STAT1: variants seen among roughly 807,000 people sequenced by gnomAD.
STAT1 encodes the protein signal transducer and activator of transcription 1, also known as signal transducer and activator of transcription 1-alpha/beta.
Under a neutral mutation model 111.7 loss-of-function variants are expected in STAT1, and 24 were observed. That is an observed-to-expected ratio of 0.21 (90% CI 0.16 to 0.30). The LOEUF is 0.30. Among genes scored for constraint, STAT1 ranks in the 10% least tolerant of loss-of-function variants. STAT1 has a pLI of 1.00. For missense variants in STAT1, 351 were observed against 911.9 expected, an observed-to-expected ratio of 0.38 and a Z score of 7.92; for synonymous variants, 332 against 326.5, an observed-to-expected ratio of 1.02 and a Z score of -0.18.
At chr2:191,005,381 A>C (rs1192096627) in intron 5 of STAT1, among the ~76,000 whole-genome samples, 1 of 152,228 alleles carries the variant, frequency 6.6e-6, no homozygotes, top group African/African-American at 2.4e-5. Flanking sequence ...TCAACGATGG[A>C]CCGCGTATAT....
At position 190,984,596 on chromosome 2, in the gene STAT1, G is replaced by C. The variant is rs928369120; in HGVS notation, c.1264-203C>G. Among the ~76,000 whole-genome samples the C allele has an allele frequency of 6.6e-6, 1 of 152,128 alleles. No homozygotes were observed. Among genetic ancestry groups the C allele is most frequent in the Non-Finnish European group, 1.5e-5 (1 of 68,030 alleles). On this transcript the variant is annotated intron_variant, in intron 15 of 24. Transcript: ENST00000361099. The surrounding 1 kb of genome is among the most constrained non-coding windows in gnomAD (Gnocchi z 5.2). Reference sequence around the variant, plus strand: ...CTGAAAGATAAGTGTCTGAAGTTACGGCAAGGGTTATAGATTCAGAGCAAT... The same window carrying C: ...CTGAAAGATAAGTGTCTGAAGTTACCGCAAGGGTTATAGATTCAGAGCAAT...
chr2:190,992,722 C>T (rs1051591623), intron 10 of STAT1: 3 of 1,173,882 alleles, frequency 2.6e-6, no homozygotes, highest in African/African-American at 1.6e-5. Context: ...GCTGTTGCTC[C>T]AGGACCCATT....
In STAT1 at chr2:190,973,954, TC is replaced by T. The variant is rs1241009438; in HGVS notation, c.2238+875del. On this transcript the variant is annotated intron_variant, in intron 24 of 24. Coordinates refer to ENST00000361099, the MANE Select transcript of STAT1 (RefSeq NM_007315.4). This position sits in a 1 kb window ranked among gnomAD's most constrained non-coding sequence, Gnocchi z 4.4. ...CTCTCATTCTCGCTCACCTTTCCCC[TC>T]CCTGCCTTCCTCTCTTTGTTGAGCA... Among the ~76,000 whole-genome samples, 1 of 152,146 alleles carries T rather than the reference TC, an allele frequency of 6.6e-6. No individual in the cohort carries two copies. The highest frequency in any genetic ancestry group is 2.4e-5 in the African/African-American group (1 of 41,422).
At chr2:191,001,830 G>C (rs1694291807) in intron 5 of STAT1, among the ~76,000 whole-genome samples, 1 of 152,160 alleles carries the variant, frequency 6.6e-6, no homozygotes, top group Non-Finnish European at 1.5e-5. Flanking sequence ...CACATACTAG[G>C]TACTAAGTAA....
intron 5 of STAT1, among the ~76,000 whole-genome samples, chr2:191,001,554 C>T (rs1218208347): frequency 1.3e-5 from 2 of 152,190 alleles, no homozygotes; most frequent in Non-Finnish European, 1.5e-5. Context: ...AGCAGCATCT[C>T]ACCACCTAGG....
Position 190,998,366 on chromosome 2 carries a change from A to T in STAT1, c.542-58T>A, listed in dbSNP as rs1694005476. ...AAGAAGACAAAACCAACAAAAGCCA[A>T]GATTCATATAAATTTAGGATAAATA... On this transcript the variant is annotated intron_variant, in intron 7 of 24. Transcript: ENST00000361099. The surrounding 1 kb of genome is among the most constrained non-coding windows in gnomAD (Gnocchi z 4.1). 7.4e-7 allele frequency: 1 copy of T among 1,357,614 alleles called. No homozygotes were observed. The highest frequency in any genetic ancestry group is 2.3e-5 in the East Asian group (1 of 43,710). The allele number at this position is 1,357,614 out of a possible 1,614,324, so 84.1% of individuals were successfully genotyped here.
At chr2:191,002,791 T>A (rs796456485) in intron 5 of STAT1, among the ~76,000 whole-genome samples, 2 of 152,240 alleles carry the variant, frequency 1.3e-5, no homozygotes, top group African/African-American at 4.8e-5. Context: ...ATATATATAT[T>A]TTTTTGTGTT....
intron 4 of STAT1, chr2:191,008,126 C>A: frequency 2.6e-6 from 1 of 391,384 alleles, no homozygotes. Context: ...CTACCAATAG[C>A]AATAATGGCT....
In STAT1 at chr2:191,009,093, T is replaced by A; in HGVS notation, c.143A>T (p.Asn48Ile). 1 of 1,614,112 alleles carries A rather than the reference T, an allele frequency of 6.2e-7. No homozygotes were observed. Among genetic ancestry groups the A allele is most frequent in the South Asian group, 1.1e-5 (1 of 91,080 alleles). ...ACGGATGGTGGCAAATGAAACATCA[T>A]TGGCAGCGTGCTCCCTAGGAGATTT... The part of the protein sequence containing the change: ...LEKQDWEHAA[N>I]DVSFATIRFH... Residue 48 changes from asparagine to isoleucine, a missense_variant, in exon 4 of 25, where the codon AAT becomes ATT. Asn to Ile is a moderately radical substitution (Grantham distance 149). This residue lies in a region of STAT1 where 44 missense variants were observed against 144.2 expected (regional missense o/e 0.31). Transcript: ENST00000361099.
chr2:190,998,456 A>G lies in STAT1; in HGVS notation c.542-148T>C. 2.9e-6 allele frequency: 2 copies of G among 701,534 alleles called. No homozygotes were observed. Among genetic ancestry groups the G allele is most frequent in the Non-Finnish European group, 5.0e-6 (2 of 398,338 alleles). 43.5% of individuals were successfully genotyped at this position (701,534 alleles called of 1,614,324 possible). ...TTCTTCGATCTTTAATGAACATGAA[A>G]AAAAGTCCTAAGTATAACAACTAGA... is the stretch of plus-strand genomic sequence containing the variant. On this transcript the variant is annotated intron_variant, in intron 7 of 24. Coordinates refer to ENST00000361099, the MANE Select transcript of STAT1 (RefSeq NM_007315.4). The surrounding 1 kb of genome is among the most constrained non-coding windows in gnomAD (Gnocchi z 4.1).
At position 190,996,870 on chromosome 2, in the gene STAT1, C is replaced by T. The variant is rs1693897926; in HGVS notation, c.785+986G>A. 6.6e-6 allele frequency among the ~76,000 whole-genome samples: 1 copy of T among 152,204 alleles called. No homozygotes were observed. Among genetic ancestry groups the T allele is most frequent in the Admixed American group, 6.5e-5 (1 of 15,294 alleles). ...CCCTCACCTGGACCACACTAATATGCTAATAGTATTCCAACTGGTCTTTCT... is the reference window on the plus strand; with the variant it reads ...CCCTCACCTGGACCACACTAATATGTTAATAGTATTCCAACTGGTCTTTCT... On this transcript the variant is annotated intron_variant, in intron 9 of 24. Coordinates refer to ENST00000361099, the MANE Select transcript of STAT1 (RefSeq NM_007315.4). This position sits in a 1 kb window ranked among gnomAD's most constrained non-coding sequence, Gnocchi z 4.5.
At position 190,984,345 on chromosome 2, in the gene STAT1, G is replaced by A. The variant is rs1477460404; in HGVS notation, c.1312C>T (p.Gln438Ter). ...ATTACCAAACCAGGCTGGCACAATT[G>A]GGTTTCAAAACTAAGGGAGTGAAGC... ...EELHSLSFETQLCQPGLVIDL... is the reference protein window; with the variant it reads ...EELHSLSFET Residue 438 changes from glutamine (Q) to a stop codon, truncating the protein, a stop_gained, in exon 16 of 25, where the codon CAA becomes TAA. Transcript: ENST00000361099. LOFTEE classifies it high-confidence loss of function. The surrounding 1 kb of genome is among the most constrained non-coding windows in gnomAD (Gnocchi z 5.2). 6.2e-7 allele frequency: 1 copy of A among 1,613,954 alleles called. No individual in the cohort carries two copies.
At position 190,980,734 on chromosome 2, in the gene STAT1, A is replaced by G. The variant is rs1692319575; in HGVS notation, c.1583-65T>C. ...TGATTCTAAAGCTTTGGTTGGACGG[A>G]TGGCTCTTGTATTTGCTCTCAAGGA... On this transcript the variant is annotated intron_variant, in intron 18 of 24. Transcript: ENST00000361099. This position sits in a 1 kb window ranked among gnomAD's most constrained non-coding sequence, Gnocchi z 6.1. 2.0e-5 allele frequency: 30 copies of G among 1,507,214 alleles called. 1 individual carries two copies. In the South Asian group the frequency reaches 3.3e-4, roughly 16 times the overall value. 93.4% of individuals were successfully genotyped at this position (1,507,214 alleles called of 1,614,324 possible).
In STAT1 at chr2:190,986,456, A is replaced by G. The variant is rs1271104170; in HGVS notation, c.1221+398T>C. ...GGGGCTGTGGGCAGGGCCACCAGGA[A>G]GGGGAACACGGGGGCTGAGGAGTGA... On this transcript the variant is annotated intron_variant, in intron 14 of 24. Transcript: ENST00000361099. The surrounding 1 kb of genome is among the most constrained non-coding windows in gnomAD (Gnocchi z 5.0). Among the ~76,000 whole-genome samples the G allele has an allele frequency of 6.6e-6, 1 of 152,168 alleles. No individual in the cohort carries two copies. The highest frequency in any genetic ancestry group is 1.5e-5 in the Non-Finnish European group (1 of 68,004).
chr2:190,986,333 T>C lies in STAT1; in HGVS notation c.1221+521A>G, dbSNP rs1205931970. On this transcript the variant is annotated intron_variant, in intron 14 of 24. Transcript: ENST00000361099. This position sits in a 1 kb window ranked among gnomAD's most constrained non-coding sequence, Gnocchi z 5.0. The stretch of plus-strand genomic sequence containing the variant: ...CATGTTCACAGAGGAGGAAAGATGG[T>C]GCACCCACACAGAGCATCCTGCTGG... Among the ~76,000 whole-genome samples the C allele has an allele frequency of 6.6e-6, 1 of 152,134 alleles. No individual in the cohort carries two copies. The highest frequency in any genetic ancestry group is 1.5e-5 in the Non-Finnish European group (1 of 68,032).
chr2:191,001,752 A>G (rs1694285124), intron 5 of STAT1, among the ~76,000 whole-genome samples: 1 of 152,176 alleles, frequency 6.6e-6, no homozygotes, highest in Admixed American at 6.5e-5. Context: ...ATTCAGTCCT[A>G]TTTTTGATAA....
In STAT1 at chr2:190,986,977, A is replaced by G. The variant is rs1244717344; in HGVS notation, c.1128-30T>C. On this transcript the variant is annotated intron_variant, in intron 13 of 24. Transcript: ENST00000361099. This position sits in a 1 kb window ranked among gnomAD's most constrained non-coding sequence, Gnocchi z 5.0. ...ACAATATAGGAAAGAAATGCTGAAAAGTCTTCCAACTATTAAATAAATAAA... is the reference window on the plus strand; with the variant it reads ...ACAATATAGGAAAGAAATGCTGAAAGGTCTTCCAACTATTAAATAAATAAA... The G allele has an allele frequency of 1.9e-6, 3 of 1,612,592 alleles. No homozygotes were observed. Among genetic ancestry groups the G allele is most frequent in the Non-Finnish European group, 2.5e-6 (3 of 1,178,580 alleles).
rs949614362 is a variant in STAT1 at position 190,973,545 on chromosome 2, T to C, written c.2238+1285A>G. On this transcript the variant is annotated intron_variant, in intron 24 of 24. Coordinates refer to ENST00000361099, the MANE Select transcript of STAT1 (RefSeq NM_007315.4). This position sits in a 1 kb window ranked among gnomAD's most constrained non-coding sequence, Gnocchi z 4.4. ...TTGCTCAGGAACAACAAAGGAGGTA[T>C]AAAAAATCCCCCCATTTTACAGTTC... Among the ~76,000 whole-genome samples the C allele has an allele frequency of 1.3e-5, 2 of 152,156 alleles. No individual in the cohort carries two copies. Among genetic ancestry groups the C allele is most frequent in the African/African-American group, 4.8e-5 (2 of 41,424 alleles).
rs1217515463 is a variant in STAT1, at chr2:191,000,153, T to C, written c.463-449A>G. 1.3e-5 allele frequency among the ~76,000 whole-genome samples: 2 copies of C among 152,250 alleles called. No individual in the cohort carries two copies. The highest frequency in any genetic ancestry group is 4.8e-5 in the African/African-American group (2 of 41,464). On this transcript the variant is annotated intron_variant, in intron 6 of 24. Coordinates refer to ENST00000361099, the MANE Select transcript of STAT1 (RefSeq NM_007315.4). This position sits in a 1 kb window ranked among gnomAD's most constrained non-coding sequence, Gnocchi z 4.8. ...CCTGGTTTCATACTTGCTGTAATTA[T>C]AAACAGTGCCCTCTTGGCGGCTCAA...
Sources: allele counts gnomAD v4.1 joint callset (sites outside exome capture counted in the v4.1 genomes callset), GRCh38; gene constraint gnomAD v4.1.1; regional missense constraint gnomAD v4.1.1; non-coding constraint Gnocchi (gnomAD v3.1); transcripts MANE v1.5; gene names NCBI Gene and HGNC (gene_info 2026-07-23, HGNC 2026-07-21).